Variants in KIAA1217 observed in about 807,000 individuals in gnomAD.
KIAA1217 encodes the protein KIAA1217.
KIAA1217 carries 88 observed loss-of-function variants against 163.9 expected under a neutral mutation model. The ratio of observed to expected loss-of-function variants is 0.54; its 90% CI spans 0.45 to 0.64. KIAA1217 has a LOEUF of 0.64. Ranked by LOEUF, KIAA1217 falls within the 30% of genes least tolerant of loss-of-function variation. The probability of loss-of-function intolerance (pLI) is 0.00; values close to 1 mark genes in which losing one functional copy is unlikely to be tolerated. For synonymous variants in KIAA1217, 903 were observed against 923.1 expected, an observed-to-expected ratio of 0.98 and a Z score of 0.39; for missense variants, 2,372 against 2,475.0, an observed-to-expected ratio of 0.96 and a Z score of 0.88.
At chr10:23,761,467 T>A (rs1834257797) in intron 1 of KIAA1217, among the ~76,000 whole-genome samples, 1 of 152,204 alleles carries the variant, frequency 6.6e-6, no homozygotes, top group Non-Finnish European at 1.5e-5. Context: ...TTTTTTCTCC[T>A]TGGTTTCAAA....
chr10:24,203,326 G>C lies in KIAA1217; in HGVS notation c.-170-16300G>C, dbSNP rs2067366535. On this transcript the variant is annotated intron_variant, in intron 2 of 18. Coordinates refer to the KIAA1217 transcript ENST00000376462. ...CTTGGACTTCAGTAGTGAAAAAAGA[G>C]GATAAAAGATCCTAAGGTATTCATC... 3.3e-5 allele frequency among the ~76,000 whole-genome samples: 5 copies of C among 152,158 alleles called. No individual in the cohort carries two copies. The South Asian group carries it at 1.0e-3, about 32-fold the overall frequency.
At chr10:24,491,926 G>T (rs577420925) in intron 6 of KIAA1217, among the ~76,000 whole-genome samples, 1 of 151,416 alleles carries the variant, frequency 6.6e-6, no homozygotes, top group African/African-American at 2.4e-5. Flanking sequence ...AAAATGCCAC[G>T]TTACCTTTTT....
At chr10:24,307,912 C>A (rs144530712) in intron 2 of KIAA1217, among the ~76,000 whole-genome samples, 248 of 152,266 alleles carry the variant, frequency 1.6e-3, no homozygotes, top group African/African-American at 5.6e-3. Context: ...GAGTGCTTTG[C>A]GATGGAGAGA....
intron 3 of KIAA1217, among the ~76,000 whole-genome samples, chr10:24,419,172 CAAA>C (rs71397949): frequency 8.5e-5 from 7 of 82,598 alleles, no homozygotes; most frequent in Non-Finnish European, 9.6e-5. Flanking sequence ...GACTCGTCTC[CAAA>C]AAAAAAAAAA....
At chr10:24,181,080 A>T (rs1347334901) in intron 2 of KIAA1217, among the ~76,000 whole-genome samples, 1 of 152,204 alleles carries the variant, frequency 6.6e-6, no homozygotes, top group African/African-American at 2.4e-5. Flanking sequence ...ACACGTTAGG[A>T]GCTGGTTACC....
At chr10:24,283,465 A>C (rs2132272251) in intron 2 of KIAA1217, among the ~76,000 whole-genome samples, 1 of 152,262 alleles carries the variant, frequency 6.6e-6, no homozygotes, top group Admixed American at 6.5e-5. Flanking sequence ...TCAGGAGTTC[A>C]GGAACAGCCT....
chr10:24,196,136 AACACACAC>A (rs66954103), intron 2 of KIAA1217, among the ~76,000 whole-genome samples: 232 of 144,310 alleles, frequency 1.6e-3, no homozygotes, highest in Admixed American at 2.5e-3. Context: ...CCTGTCTCAA[AACACACAC>A]ACACACACAC....
chr10:24,298,289 A>AT (rs10718380), intron 2 of KIAA1217, among the ~76,000 whole-genome samples: 6 of 150,434 alleles, frequency 4.0e-5, no homozygotes, highest in African/African-American at 1.2e-4. Flanking sequence ...TTGTTTAGAA[A>AT]TTTTTTTTTT....
chr10:24,386,035 G>T (rs909286151), intron 3 of KIAA1217, among the ~76,000 whole-genome samples: 1 of 152,148 alleles, frequency 6.6e-6, no homozygotes, highest in African/African-American at 2.4e-5. Flanking sequence ...GAGCCCTCAG[G>T]AATTTGAAAA....
At chr10:24,052,925 C>G (rs1849623577) in intron 2 of KIAA1217, among the ~76,000 whole-genome samples, 1 of 152,128 alleles carries the variant, frequency 6.6e-6, no homozygotes, top group South Asian at 2.1e-4. Context: ...ACCTTCCTAG[C>G]TCATGGCCAC....
chr10:24,062,236 C>A lies in KIAA1217; in HGVS notation c.-171+54862C>A, dbSNP rs544230452. On this transcript the variant is annotated intron_variant, in intron 2 of 18. Transcript: ENST00000376462. Reference sequence around the variant, plus strand: ...ATGTGCCATGTTGGTGTGCTGCACCCATTAACTCGTCATTTAGCATTAGGT... The same window carrying A: ...ATGTGCCATGTTGGTGTGCTGCACCAATTAACTCGTCATTTAGCATTAGGT... 4.0e-5 allele frequency among the ~76,000 whole-genome samples: 6 copies of A among 150,692 alleles called. No homozygotes were observed. The South Asian group carries it at 8.5e-4, about 21-fold the overall frequency.
chr10:24,277,463 A>G (rs1315871671), intron 2 of KIAA1217, among the ~76,000 whole-genome samples: 1 of 152,220 alleles, frequency 6.6e-6, no homozygotes, highest in Non-Finnish European at 1.5e-5. Context: ...TGCAGATGAT[A>G]TAGTTTGGCT....
chr10:24,393,264 T>C (rs1054339722), intron 3 of KIAA1217, among the ~76,000 whole-genome samples: 1 of 152,162 alleles, frequency 6.6e-6, no homozygotes, highest in Non-Finnish European at 1.5e-5. Flanking sequence ...ACGTTCTGCA[T>C]TGCTGGAGGG....
At chr10:24,545,613 T>C in intron 20 of KIAA1217, 1 of 1,385,612 alleles carries the variant, frequency 7.2e-7, no homozygotes, top group Non-Finnish European at 9.3e-7. Context: ...AATGTATTCT[T>C]CCTTTCCTCC....
intron 2 of KIAA1217, among the ~76,000 whole-genome samples, chr10:24,039,913 C>T (rs1848561512): frequency 6.6e-6 from 1 of 152,114 alleles, no homozygotes; most frequent in Admixed American, 6.5e-5. Flanking sequence ...CTACAAGTGG[C>T]CTATAGCATA....
At chr10:24,291,850 C>G (rs1003722766) in intron 2 of KIAA1217, among the ~76,000 whole-genome samples, 1 of 152,138 alleles carries the variant, frequency 6.6e-6, no homozygotes, top group Non-Finnish European at 1.5e-5. Context: ...TCCTGAAAGT[C>G]TAAGACTAAA....
chr10:24,099,753 C>T (rs1250895795), intron 2 of KIAA1217, among the ~76,000 whole-genome samples: 1 of 139,310 alleles, frequency 7.2e-6, no homozygotes, highest in Non-Finnish European at 1.5e-5. Flanking sequence ...CCCCATCCCA[C>T]AACAGTCCCC....
At chr10:24,289,022 T>C (rs371074473) in intron 2 of KIAA1217, among the ~76,000 whole-genome samples, 68 of 152,352 alleles carry the variant, frequency 4.5e-4, no homozygotes, top group African/African-American at 1.6e-3. Flanking sequence ...TGCCTGGGCA[T>C]GCCCATACAT....
intron 8 of KIAA1217, among the ~76,000 whole-genome samples, 176 bp downstream of exon 8, chr10:24,495,372 A>G (rs1349223690): frequency 6.6e-6 from 1 of 152,188 alleles, no homozygotes; most frequent in Non-Finnish European, 1.5e-5. Context: ...TCGGGGGCAA[A>G]GCACTGTATT....
Sources: gnomAD v4.1 joint callset for allele counts (sites outside exome capture counted in the v4.1 genomes callset) on GRCh38, gnomAD v4.1.1 for gene constraint, MANE v1.5 for transcripts, NCBI Gene and HGNC (gene_info 2026-07-23, HGNC 2026-07-21) for gene names.